Variants in LRP1B observed in about 807,000 individuals in gnomAD.
LRP1B encodes the protein LDL receptor related protein 1B, also known as low-density lipoprotein receptor-related protein 1B.
In LRP1B, 217 loss-of-function variants were observed where a neutral mutation model predicts 556.6. That is an observed-to-expected ratio of 0.39 (90% CI 0.35 to 0.44). LRP1B has a LOEUF of 0.44. Among genes scored for constraint, LRP1B ranks in the 20% least tolerant of loss-of-function variants. LRP1B has a pLI of 1.00. For missense variants in LRP1B, 5,053 were observed against 5,620.8 expected (o/e 0.90, Z 3.23); for synonymous variants, 2,047 against 1,865.8 (o/e 1.10, Z -2.50).
intron 66 of LRP1B, among the ~76,000 whole-genome samples, chr2:140,408,144 T>G (rs1473507639): frequency 6.6e-6 from 1 of 151,832 alleles, no homozygotes; most frequent in East Asian, 1.9e-4. Context: ...CACAAAGACA[T>G]GCAGAATGAT....
At chr2:141,014,908 A>G (rs893509896) in intron 13 of LRP1B, among the ~76,000 whole-genome samples, 7 of 152,084 alleles carry the variant, frequency 4.6e-5, no homozygotes, top group Non-Finnish European at 8.8e-5. Flanking sequence ...TTAGTGTAGT[A>G]TTTCTTTCTA....
chr2:141,829,226 A>G (rs1325925312), intron 1 of LRP1B, among the ~76,000 whole-genome samples: 4 of 152,106 alleles, frequency 2.6e-5, no homozygotes, highest in East Asian at 1.9e-4. Flanking sequence ...ATGTACTTTT[A>G]TAATTGTTCC....
At chr2:141,128,890 A>G (rs1229899929) in intron 7 of LRP1B, among the ~76,000 whole-genome samples, 1 of 152,220 alleles carries the variant, frequency 6.6e-6, no homozygotes, top group African/African-American at 2.4e-5. Flanking sequence ...TTATCACCAC[A>G]TAAGTTATAT....
chr2:142,124,151 A>G, intron 1 of LRP1B, among the ~76,000 whole-genome samples: 1 of 151,916 alleles, frequency 6.6e-6, no homozygotes. Context: ...TGTTAAGCCC[A>G]GTGCCCAATA....
At chr2:141,101,112 G>A (rs1045373181) in intron 7 of LRP1B, among the ~76,000 whole-genome samples, 10 of 152,070 alleles carry the variant, frequency 6.6e-5, no homozygotes, top group African/African-American at 2.4e-4. Context: ...CTTGGAAGAT[G>A]CCAGGAAGAC....
intron 66 of LRP1B, among the ~76,000 whole-genome samples, chr2:140,401,122 T>C (rs971528574): frequency 1.3e-5 from 2 of 152,108 alleles, no homozygotes; most frequent in Non-Finnish European, 2.9e-5. Flanking sequence ...GGGGATGAAC[T>C]CTCTTGTCCA....
chr2:140,734,416 T>C (rs1687879668), intron 35 of LRP1B, among the ~76,000 whole-genome samples: 2 of 152,128 alleles, frequency 1.3e-5, no homozygotes, highest in Admixed American at 6.6e-5. Flanking sequence ...AGAAATGAGG[T>C]TGGAGGGATG....
At chr2:141,287,387 A>G (rs993137103) in intron 3 of LRP1B, among the ~76,000 whole-genome samples, 4 of 151,248 alleles carry the variant, frequency 2.6e-5, no homozygotes, top group South Asian at 2.1e-4. Flanking sequence ...CAGTGGCACA[A>G]TCTCGGCTCA....
Position 140,330,177 on chromosome 2 carries a change from G to A in LRP1B, c.12223+4276C>T, listed in dbSNP as rs1421265807. The stretch of plus-strand genomic sequence containing the variant: ...CTAGCATCACTGAACTACAGCCTGG[G>A]CGACAGAGCAAGACTCTGTCTCAAT... On this transcript the variant is annotated intron_variant, in intron 79 of 90. Coordinates refer to ENST00000389484, the MANE Select transcript of LRP1B (RefSeq NM_018557.3). Among the ~76,000 whole-genome samples the A allele has an allele frequency of 4.7e-5, 7 of 147,748 alleles. No homozygotes were observed. In the East Asian group the frequency reaches 1.4e-3, roughly 30 times the overall value.
At chr2:140,491,195 A>G (rs1374984987) in intron 57 of LRP1B, among the ~76,000 whole-genome samples, 1 of 152,154 alleles carries the variant, frequency 6.6e-6, no homozygotes, top group Admixed American at 6.6e-5. Context: ...AGAAGCTATC[A>G]CTGAAGCTCT....
At chr2:141,782,065 G>A (rs1452081746) in intron 2 of LRP1B, among the ~76,000 whole-genome samples, 1 of 152,044 alleles carries the variant, frequency 6.6e-6, no homozygotes, top group Non-Finnish European at 1.5e-5. Flanking sequence ...TTGCCTAATT[G>A]TAGTTTTTGG....
rs1160114860 is a variant in LRP1B at position 140,358,830 on chromosome 2, G to A, written c.11248C>T (p.His3750Tyr). 1 of 1,607,938 alleles carries A rather than the reference G, an allele frequency of 6.2e-7. No homozygotes were observed. Among genetic ancestry groups the A allele is most frequent in the Non-Finnish European group, 8.5e-7 (1 of 1,175,564 alleles). ...CATTAAATGCATTTACCACCACAGT[G>A]ATCTTCATCTGAATTGTCACCGCAT... ...DECGDNSDEDHCGGKLTYKAR... is the reference protein window; with the variant it reads ...DECGDNSDEDYCGGKLTYKAR... Residue 3750 changes from histidine to tyrosine, a missense_variant, in exon 73 of 91, where the codon CAC (histidine) becomes TAC (tyrosine). This residue lies in a region of LRP1B where 599 missense variants were observed against 648.4 expected (regional missense o/e 0.92). Transcript: ENST00000389484.
chr2:141,718,151 C>T (rs1692680766), intron 2 of LRP1B, among the ~76,000 whole-genome samples: 1 of 152,186 alleles, frequency 6.6e-6, no homozygotes, highest in African/African-American at 2.4e-5. Flanking sequence ...ACTCTTTGCA[C>T]ACAGCTGGAG....
At chr2:141,290,453 C>T (rs1685899323) in intron 3 of LRP1B, among the ~76,000 whole-genome samples, 1 of 151,892 alleles carries the variant, frequency 6.6e-6, no homozygotes, top group Non-Finnish European at 1.5e-5. Flanking sequence ...GACCATTGTT[C>T]CCTGACTTTA....
chr2:141,675,702 T>C (rs1222574330), intron 2 of LRP1B, among the ~76,000 whole-genome samples: 2 of 143,854 alleles, frequency 1.4e-5, no homozygotes, highest in South Asian at 2.2e-4. Context: ...TATATGTATA[T>C]GCACTGTTTT....
chr2:142,072,530 G>T (rs989216924), intron 1 of LRP1B, among the ~76,000 whole-genome samples: 3 of 151,944 alleles, frequency 2.0e-5, no homozygotes, highest in Non-Finnish European at 4.4e-5. Flanking sequence ...TGTGGCCCAG[G>T]AGAGATTTGA....
chr2:140,439,978 CTCTCTT>C (rs1686354666), intron 66 of LRP1B, among the ~76,000 whole-genome samples: 2 of 152,046 alleles, frequency 1.3e-5, no homozygotes, highest in African/African-American at 4.8e-5. Flanking sequence ...TAGTGCTTCT[CTCTCTT>C]TCTCTTGCTT....
At chr2:141,866,715 G>A (rs1051678194) in intron 1 of LRP1B, among the ~76,000 whole-genome samples, 1 of 151,934 alleles carries the variant, frequency 6.6e-6, no homozygotes, top group East Asian at 1.9e-4. Context: ...TGGGAAAGAG[G>A]TGGAAGAGAG....
rs561203662 is a variant in LRP1B at position 141,039,373 on chromosome 2, T to C, written c.1789+9613A>G. On this transcript the variant is annotated intron_variant, in intron 11 of 90. Transcript: ENST00000389484. Reference sequence around the variant, plus strand: ...TCTCTTACTATGCCCATTTATAAATTAAATTTTATCACAGGTATGTGTGCA... The same window carrying C: ...TCTCTTACTATGCCCATTTATAAATCAAATTTTATCACAGGTATGTGTGCA... Among the ~76,000 whole-genome samples the C allele has an allele frequency of 5.9e-5, 9 of 152,172 alleles. No individual in the cohort carries two copies. In the East Asian group the frequency reaches 1.6e-3, roughly 26 times the overall value.
Sources: gnomAD v4.1 joint callset for allele counts (sites outside exome capture counted in the v4.1 genomes callset) on GRCh38, gnomAD v4.1.1 for gene constraint, gnomAD v4.1.1 regional missense constraint, MANE v1.5 for transcripts, NCBI Gene and HGNC (gene_info 2026-07-23, HGNC 2026-07-21) for gene names.